The following APC variants were observed in gnomAD, a reference collection of about 807,000 sequenced individuals.
The protein encoded by APC is adenomatous polyposis coli protein.
APC carries 72 observed loss-of-function variants against 247.0 expected under a neutral mutation model. The ratio of observed to expected loss-of-function variants is 0.29; its 90% CI spans 0.24 to 0.35. The LOEUF (loss-of-function observed/expected upper bound fraction) is 0.35, where lower values mean the gene tolerates loss of function less well. APC is among the 10% of genes least tolerant of loss of function. The probability of loss-of-function intolerance (pLI) is 1.00; values close to 1 mark genes in which losing one functional copy is unlikely to be tolerated. For missense variants in APC, 3,400 were observed against 3,360.7 expected, an observed-to-expected ratio of 1.01 and a Z score of -0.29; for synonymous variants, 1,254 against 1,162.5, an observed-to-expected ratio of 1.08 and a Z score of -1.60.
chr5:112,737,811 G>A (rs1752497736), upstream of APC: 3 of 984,176 alleles, frequency 3.0e-6, no homozygotes, highest in South Asian at 9.4e-5. Context: ...TTCCCGTCGG[G>A]AGCCCGCCGA....
chr5:112,791,156 A>AAC lies in APC; in HGVS notation c.646-1272_646-1271dup, dbSNP rs147798111. Among the ~76,000 whole-genome samples, 1,117 of 150,764 alleles carry AAC rather than the reference A, an allele frequency of 7.4e-3. 10 individuals are homozygous for AAC. The highest frequency in any genetic ancestry group is 0.02 in the African/African-American group (814 of 41,244). On this transcript the variant is annotated intron_variant, in intron 6 of 15. Transcript: ENST00000257430. Reference sequence around the variant, plus strand: ...AGTTAAAATGAAGTCTAGCTTAAAAAACACACACACACACACACAATATAT... The same window carrying AAC: ...AGTTAAAATGAAGTCTAGCTTAAAAAACACACACACACACACACACAATATAT...
chr5:112,766,694 C>T (rs1756374714), intron 3 of APC, among the ~76,000 whole-genome samples: 1 of 152,152 alleles, frequency 6.6e-6, no homozygotes, highest in African/African-American at 2.4e-5. Context: ...TTCTGCCAGT[C>T]ACTAAATAGG....
intron 11 of APC, among the ~76,000 whole-genome samples, chr5:112,824,731 G>A (rs1763468166): frequency 6.6e-6 from 1 of 151,884 alleles, no homozygotes; most frequent in South Asian, 2.1e-4. Flanking sequence ...TAAAATACTC[G>A]ACATCTTGGG....
chr5:112,840,230 A>C lies in APC; in HGVS notation c.4636A>C (p.Asn1546His), dbSNP rs1554086031. The C allele has an allele frequency of 6.2e-7, 1 of 1,614,172 alleles. No homozygotes were observed. The highest frequency in any genetic ancestry group is 8.5e-7 in the Non-Finnish European group (1 of 1,180,024). ...AGAATCAGAGCAGCCTAAAGAATCAAATGAAAACCAAGAGAAAGAGGCAGA... is the reference window on the plus strand; with the variant it reads ...AGAATCAGAGCAGCCTAAAGAATCACATGAAAACCAAGAGAAAGAGGCAGA... ...ETESEQPKES[N>H]ENQEKEAEKT... Residue 1546 changes from asparagine (N) to histidine (H), a missense_variant, in exon 16 of 16, where the codon AAT becomes CAT. By Grantham distance (68) the Asn-to-His change is moderately conservative (BLOSUM62 1). Transcript: ENST00000257430. This position sits in a 1 kb window ranked among gnomAD's most constrained non-coding sequence, Gnocchi z 4.1.
chr5:112,769,980 T>A (rs999131106), intron 4 of APC, among the ~76,000 whole-genome samples: 7 of 151,304 alleles, frequency 4.6e-5, no homozygotes, highest in Admixed American at 3.9e-4. Flanking sequence ...TAATCTTCCA[T>A]CTCTTTTTCC....
chr5:112,803,592 G>A (rs1761060710), intron 8 of APC, among the ~76,000 whole-genome samples: 1 of 152,136 alleles, frequency 6.6e-6, no homozygotes, highest in African/African-American at 2.4e-5. Context: ...CCTTAACACA[G>A]TCCCTGGCAT....
upstream of APC, chr5:112,737,793 G>T (rs924105261): frequency 3.7e-5 from 36 of 962,620 alleles, no homozygotes; most frequent in Non-Finnish European, 3.7e-5. Flanking sequence ...GGACCAGGGC[G>T]CTCCCCATTC....
chr5:112,802,926 C>A, intron 8 of APC, among the ~76,000 whole-genome samples: 1 of 150,736 alleles, frequency 6.6e-6, no homozygotes, highest in African/African-American at 2.4e-5. Context: ...TCCAAGCCAT[C>A]GTAGAAGTAA....
intron 1 of APC, among the ~76,000 whole-genome samples, chr5:112,730,410 T>C (rs766553170): frequency 5.9e-5 from 9 of 152,226 alleles, no homozygotes; most frequent in African/African-American, 9.6e-5. Flanking sequence ...ATAGTCAGCA[T>C]TGGCTTTGAA....
In APC at chr5:112,842,348, C is replaced by G. The variant is rs587778035; in HGVS notation, c.6754C>G (p.Pro2252Ala). Residue 2252 changes from proline to alanine, a missense_variant, in exon 16 of 16, where the codon CCC (proline) becomes GCC (alanine). Coordinates refer to ENST00000257430, the MANE Select transcript of APC (RefSeq NM_000038.6). ...STSPVSKKGP[P>A]LKTPASKSPS... ...AAGTCCTGTTTCTAAAAAAGGCCCA[C>G]CCCTTAAGACTCCAGCCTCCAAAAG... 1.2e-6 allele frequency: 2 copies of G among 1,613,966 alleles called. No individual in the cohort carries two copies. Among genetic ancestry groups the G allele is most frequent in the East Asian group, 4.5e-5 (2 of 44,876 alleles).
rs1554084247 is a variant in APC, at chr5:112,838,125, C to G, written c.2531C>G (p.Ser844Cys). The G allele has an allele frequency of 1.2e-6, 2 of 1,614,020 alleles. No individual in the cohort carries two copies. The highest frequency in any genetic ancestry group is 2.2e-5 in the East Asian group (1 of 44,882). ...SSSSRGSLDS[S>C]RSEKDRSLER... ...TCATCAAGAGGAAGCTTAGATAGTT[C>G]TCGTTCTGAAAAAGATAGAAGTTTG... Residue 844 changes from serine to cysteine, a missense_variant, in exon 16 of 16, where the codon TCT becomes TGT. By Grantham distance (112) the Ser-to-Cys change is moderately radical. Coordinates refer to ENST00000257430, the MANE Select transcript of APC (RefSeq NM_000038.6).
chr5:112,807,125 T>C, intron 8 of APC, among the ~76,000 whole-genome samples: 1 of 144,644 alleles, frequency 6.9e-6, no homozygotes, highest in Non-Finnish European at 1.5e-5. Flanking sequence ...AGAGCAAGAC[T>C]CTATCTCAAG....
intron 4 of APC, among the ~76,000 whole-genome samples, chr5:112,773,046 G>A (rs531637834): frequency 1.1e-4 from 16 of 152,274 alleles, no homozygotes; most frequent in African/African-American, 3.4e-4. Context: ...GTCAGAAATC[G>A]GAGGGAGAGA....
chr5:112,788,522 A>G (rs2439594), intron 6 of APC, among the ~76,000 whole-genome samples: 18,242 of 152,158 alleles, frequency 0.12, 1,379 homozygotes, highest in African/African-American at 0.22. Flanking sequence ...GATAAACTGT[A>G]AAATGTGAGG....
At chr5:112,744,992 G>A (rs1753478159) in intron 1 of APC, among the ~76,000 whole-genome samples, 1 of 152,004 alleles carries the variant, frequency 6.6e-6, no homozygotes, top group Admixed American at 6.6e-5. Flanking sequence ...GTGGTTGTGA[G>A]GATTAAATGA....
intron 1 of APC, among the ~76,000 whole-genome samples, chr5:112,752,897 A>T (rs1463862769): frequency 6.6e-6 from 1 of 152,174 alleles, no homozygotes; most frequent in Non-Finnish European, 1.5e-5. Context: ...TTAATTGTTC[A>T]TCTGAAGAGT....
rs140921773 is a variant in APC, at chr5:112,728,662, A to G, written c.165+20780A>G. ...TGTGTTTTTTTTTTGTTTTGTCAAC[A>G]TCATAGAATTTATAAACTTTTTTAT... On this transcript the variant is annotated intron_variant, in intron 1 of 13. Transcript: ENST00000507379. Among the ~76,000 whole-genome samples the G allele has an allele frequency of 3.3e-5, 5 of 152,054 alleles. No homozygotes were observed. The East Asian group carries it at 7.7e-4, about 23-fold the overall frequency.
intron 7 of APC, among the ~76,000 whole-genome samples, chr5:112,795,805 A>C (rs978761537): frequency 1.3e-5 from 2 of 152,242 alleles, no homozygotes; most frequent in Non-Finnish European, 2.9e-5. Flanking sequence ...TGAAATCGAA[A>C]TGTAAAGCAA....
chr5:112,800,831 A>G (rs993097557), intron 7 of APC, among the ~76,000 whole-genome samples: 2 of 151,986 alleles, frequency 1.3e-5, no homozygotes, highest in Non-Finnish European at 2.9e-5. Flanking sequence ...TAGAAGATAT[A>G]CATATATATA....
Sources: gnomAD v4.1 joint callset for allele counts (sites outside exome capture counted in the v4.1 genomes callset) on GRCh38, gnomAD v4.1.1 for gene constraint, Gnocchi (gnomAD v3.1) non-coding constraint, MANE v1.5 for transcripts, NCBI Gene and HGNC (gene_info 2026-07-23, HGNC 2026-07-21) for gene names.